Variants in DLGAP1 observed in about 807,000 individuals in gnomAD.
DLGAP1 encodes the protein disks large-associated protein 1.
A neutral mutation model predicts 90.8 loss-of-function variants in DLGAP1; 11 were observed. The ratio of observed to expected loss-of-function variants is 0.12; its 90% CI spans 0.08 to 0.20. The LOEUF (loss-of-function observed/expected upper bound fraction) is 0.20, where lower values mean the gene tolerates loss of function less well. DLGAP1 is among the 10% of genes least tolerant of loss of function. The pLI is 1.00. For synonymous variants in DLGAP1, 558 were observed against 540.7 expected (o/e 1.03, Z -0.44); for missense variants, 1,050 against 1,333.8 (o/e 0.79, Z 3.31).
chr18:3,726,320 C>A (rs1457994870), intron 7 of DLGAP1, among the ~76,000 whole-genome samples: 1 of 152,052 alleles, frequency 6.6e-6, no homozygotes, highest in African/African-American at 2.4e-5. Context: ...GTAAGAAAAT[C>A]AATTTTCTGC....
chr18:3,989,641 AC>A, intron 3 of DLGAP1, among the ~76,000 whole-genome samples: 1 of 152,344 alleles, frequency 6.6e-6, no homozygotes, highest in Non-Finnish European at 1.5e-5. Flanking sequence ...AAAACAAAGG[AC>A]CAAACTAAAG....
intron 6 of DLGAP1, among the ~76,000 whole-genome samples, chr18:3,741,233 A>C: frequency 9.8e-6 from 1 of 101,562 alleles, no homozygotes; most frequent in Middle Eastern, 7.2e-3. Flanking sequence ...CACCATCACC[A>C]CCACCACCAT....
chr18:3,544,004 A>T (rs78933466), intron 9 of DLGAP1, among the ~76,000 whole-genome samples: 1 of 135,872 alleles, frequency 7.4e-6, no homozygotes, highest in Admixed American at 7.1e-5. Context: ...CAAACAAACA[A>T]ACAAAAACAT....
chr18:4,128,435 G>C (rs1222404645), intron 2 of DLGAP1, among the ~76,000 whole-genome samples: 1 of 152,134 alleles, frequency 6.6e-6, no homozygotes, highest in Non-Finnish European at 1.5e-5. Context: ...CTGATACCAA[G>C]GAATGACTGC....
chr18:3,879,069 C>T lies in DLGAP1; in HGVS notation c.957+43G>A, dbSNP rs758104571. On this transcript the variant is annotated intron_variant, in intron 4 of 12. Transcript: ENST00000315677. This position sits in a 1 kb window ranked among gnomAD's most constrained non-coding sequence, Gnocchi z 6.6. Reference sequence around the variant, plus strand: ...CAGGAGAAATGCCCACACAAGCATGCCAGGTACTACTTCTAAGCCTCCATC... The same window carrying T: ...CAGGAGAAATGCCCACACAAGCATGTCAGGTACTACTTCTAAGCCTCCATC... The T allele has an allele frequency of 7.0e-7, 1 of 1,424,272 alleles. No individual in the cohort carries two copies. Among genetic ancestry groups the T allele is most frequent in the Non-Finnish European group, 9.3e-7 (1 of 1,077,458 alleles). The allele number at this position is 1,424,272 out of a possible 1,614,324, so 88.2% of individuals were successfully genotyped here.
chr18:3,744,981 T>G (rs2063208166), intron 5 of DLGAP1, among the ~76,000 whole-genome samples: 1 of 152,158 alleles, frequency 6.6e-6, no homozygotes, highest in Admixed American at 6.5e-5. Flanking sequence ...ATGTGGTAAA[T>G]GAACTATTTG....
At chr18:3,567,387 A>T in intron 9 of DLGAP1, 103 bp downstream of exon 9, 1 of 996,022 alleles carries the variant, frequency 1.0e-6, no homozygotes, top group Non-Finnish European at 1.5e-6. Context: ...CCCAAAACTT[A>T]GAGGAAAATA....
intron 1 of DLGAP1, among the ~76,000 whole-genome samples, chr18:4,362,445 A>T (rs1309470303): frequency 6.6e-6 from 1 of 152,232 alleles, no homozygotes; most frequent in Non-Finnish European, 1.5e-5. Flanking sequence ...GACCTTGAGG[A>T]TATTACACTA....
intron 2 of DLGAP1, among the ~76,000 whole-genome samples, chr18:4,021,755 T>G: frequency 6.6e-6 from 1 of 152,042 alleles, no homozygotes; most frequent in South Asian, 2.1e-4. Context: ...TGGGCCACCA[T>G]GCCAGGCTAA....
intron 3 of DLGAP1, among the ~76,000 whole-genome samples, chr18:3,916,720 T>A (rs767339846): frequency 2.0e-4 from 30 of 152,228 alleles, no homozygotes; most frequent in Non-Finnish European, 3.8e-4. Context: ...CTTGCAACCA[T>A]TAGGCTTCAC....
At chr18:4,064,538 A>G (rs1353725157) in intron 2 of DLGAP1, among the ~76,000 whole-genome samples, 2 of 148,964 alleles carry the variant, frequency 1.3e-5, no homozygotes, top group Non-Finnish European at 3.0e-5. Flanking sequence ...CAGAAATAGA[A>G]ACAGCCATCA....
chr18:4,452,721 G>A (rs981037610), intron 1 of DLGAP1, among the ~76,000 whole-genome samples: 6 of 152,078 alleles, frequency 3.9e-5, no homozygotes, highest in African/African-American at 1.2e-4. Context: ...CTTTTACTGG[G>A]TTTTTAGTCC....
intron 1 of DLGAP1, among the ~76,000 whole-genome samples, chr18:4,185,331 C>T (rs371064954): frequency 5.9e-5 from 9 of 151,436 alleles, no homozygotes; most frequent in East Asian, 1.9e-4. Flanking sequence ...GGTAAACTTG[C>T]GTCATGGGGG....
intron 1 of DLGAP1, among the ~76,000 whole-genome samples, chr18:4,209,399 G>T (rs1353698026): frequency 6.6e-6 from 1 of 152,156 alleles, no homozygotes; most frequent in Admixed American, 6.5e-5. Flanking sequence ...ACGAGTCAAA[G>T]CCTGCTCTTT....
chr18:4,150,360 G>A (rs1162705695), intron 2 of DLGAP1, among the ~76,000 whole-genome samples: 1 of 152,066 alleles, frequency 6.6e-6, no homozygotes, highest in Non-Finnish European at 1.5e-5. Context: ...TGATAGCAAG[G>A]ACTCAAGGGT....
At chr18:4,339,039 A>G (rs997689946) in intron 1 of DLGAP1, among the ~76,000 whole-genome samples, 10 of 152,200 alleles carry the variant, frequency 6.6e-5, no homozygotes, top group Non-Finnish European at 1.5e-5. Flanking sequence ...CAATGATTTC[A>G]TTTAGAATAT....
chr18:4,150,088 C>A (rs957544937), intron 2 of DLGAP1, among the ~76,000 whole-genome samples: 1 of 152,216 alleles, frequency 6.6e-6, no homozygotes, highest in Non-Finnish European at 1.5e-5. Context: ...GACTTGCTAA[C>A]CCACCCATAA....
At chr18:3,875,583 C>T (rs1221629610) in intron 4 of DLGAP1, among the ~76,000 whole-genome samples, 1 of 152,176 alleles carries the variant, frequency 6.6e-6, no homozygotes, top group Non-Finnish European at 1.5e-5. Context: ...CACATACTAG[C>T]TGTGTGTCCT....
intron 5 of DLGAP1, among the ~76,000 whole-genome samples, chr18:3,781,633 G>A (rs537227365): frequency 1.3e-5 from 2 of 152,108 alleles, no homozygotes; most frequent in South Asian, 2.1e-4. Context: ...GATTATAGGC[G>A]TGAGCCAGCA....
Sources: allele counts gnomAD v4.1 joint callset (sites outside exome capture counted in the v4.1 genomes callset), GRCh38; gene constraint gnomAD v4.1.1; non-coding constraint Gnocchi (gnomAD v3.1); transcripts MANE v1.5; gene names NCBI Gene and HGNC (gene_info 2026-07-23, HGNC 2026-07-21).